OPHN1: variants seen among roughly 807,000 people sequenced by gnomAD.
OPHN1 encodes oligophrenin 1.
A neutral mutation model predicts 60.7 loss-of-function variants in OPHN1; 11 were observed. That is an observed-to-expected ratio of 0.18 (90% CI 0.11 to 0.30). The LOEUF (loss-of-function observed/expected upper bound fraction) is 0.30, where lower values mean the gene tolerates loss of function less well. Among genes scored for constraint, OPHN1 ranks in the 10% least tolerant of loss-of-function variants. OPHN1 has a pLI of 1.00. For synonymous variants in OPHN1, 226 were observed against 222.6 expected (o/e 1.02, Z -0.14); for missense variants, 449 against 611.0 (o/e 0.73, Z 2.80).
chrX:68,125,956 T>TATATATATATATATAC (rs2077169399), intron 15 of OPHN1, among the ~76,000 whole-genome samples: 1 of 76,357 alleles, frequency 1.3e-5, no homozygotes, highest in Admixed American at 1.5e-4. Flanking sequence ...TATATATATA[T>TATATATATATATATAC]ACATACACAC....
chrX:68,100,509 T>C (rs1272713888), intron 18 of OPHN1, among the ~76,000 whole-genome samples: 3 of 110,873 alleles, frequency 2.7e-5, no homozygotes, highest in Non-Finnish European at 5.7e-5. Flanking sequence ...GGGAAATGGG[T>C]GGGGAAATAG....
rs190900341 is a variant in OPHN1, at chrX:68,312,285, G to A, written c.155-13189C>T. Reference sequence around the variant, plus strand: ...TTTTTTTTTTTTTTTTTGTAGAGACGGGTTCCCACTATGTTGCCCAGACTG... The same window carrying A: ...TTTTTTTTTTTTTTTTTGTAGAGACAGGTTCCCACTATGTTGCCCAGACTG... On this transcript the variant is annotated intron_variant, in intron 2 of 24. Transcript: ENST00000355520. Among the ~76,000 whole-genome samples the A allele has an allele frequency of 4.7e-4, 43 of 91,643 alleles. No individual in the cohort carries two copies. The East Asian group carries it at 0.014, about 29-fold the overall frequency. 79.6% of individuals were successfully genotyped at this position (91,643 alleles called of 115,157 possible). A position where few individuals can be genotyped will look rare whatever the true frequency, so the allele number is the denominator to read the frequency against.
chrX:68,112,061 GCACACACA>G (rs56107322), intron 17 of OPHN1, 102 bp from the exon 18 acceptor site: 95 of 388,993 alleles, frequency 2.4e-4, no homozygotes, highest in African/African-American at 1.4e-3. Flanking sequence ...ATGCACACAT[GCACACACA>G]CACACACACA....
At chrX:68,409,124 G>A (rs1463396814) in intron 2 of OPHN1, among the ~76,000 whole-genome samples, 2 of 112,190 alleles carry the variant, frequency 1.8e-5, no homozygotes, top group African/African-American at 6.5e-5. Flanking sequence ...TCATTTCCAT[G>A]ATCTCACTTG....
At chrX:68,377,376 G>T (rs1302559186) in intron 2 of OPHN1, among the ~76,000 whole-genome samples, 1 of 109,384 alleles carries the variant, frequency 9.1e-6, no homozygotes, top group Non-Finnish European at 1.9e-5. Context: ...GATTACAGGT[G>T]TGAGCCACTG....
chrX:68,355,701 A>G (rs906438968), intron 2 of OPHN1, among the ~76,000 whole-genome samples: 1 of 111,901 alleles, frequency 8.9e-6, no homozygotes, highest in African/African-American at 3.2e-5. Context: ...TCCAAGAAAG[A>G]CAATCCTCAA....
intron 2 of OPHN1, among the ~76,000 whole-genome samples, chrX:68,377,716 T>C (rs1323359106): frequency 9.1e-6 from 1 of 110,181 alleles, no homozygotes; most frequent in African/African-American, 3.3e-5. Context: ...TTACTGAGAA[T>C]GATGATTTCC....
chrX:68,252,704 AAAC>A (rs1047162206), intron 5 of OPHN1, among the ~76,000 whole-genome samples: 2 of 111,981 alleles, frequency 1.8e-5, no homozygotes, highest in African/African-American at 3.2e-5. Flanking sequence ...AATGCTTTGA[AAAC>A]AATATAACAA....
At chrX:68,256,170 G>C (rs2077862414) in intron 5 of OPHN1, among the ~76,000 whole-genome samples, 1 of 111,248 alleles carries the variant, frequency 9.0e-6, no homozygotes, top group Non-Finnish European at 1.9e-5. Context: ...AGGAGCAAGG[G>C]GAAGGCTGGT....
chrX:68,049,383 T>C (rs2076843389), intron 23 of OPHN1, among the ~76,000 whole-genome samples: 1 of 112,029 alleles, frequency 8.9e-6, no homozygotes, highest in Admixed American at 9.4e-5. Context: ...TTAATTATTG[T>C]ACCATCTACT....
Position 68,400,849 on chromosome X carries a change from G to A in OPHN1, c.154+32018C>T, listed in dbSNP as rs755313490. Among the ~76,000 whole-genome samples the A allele has an allele frequency of 2.2e-4, 24 of 110,874 alleles. No homozygotes were observed. In the South Asian group the frequency reaches 2.7e-3, roughly 13 times the overall value. ...ACTCCCAACCTCAGATGATTCACCC[G>A]CCTCTGCCTCCTAAAGTGCTGGTAT... On this transcript the variant is annotated intron_variant, in intron 2 of 24. Coordinates refer to ENST00000355520, the MANE Select transcript of OPHN1 (RefSeq NM_002547.3).
At chrX:68,391,022 T>C (rs1382514679) in intron 2 of OPHN1, among the ~76,000 whole-genome samples, 1 of 111,669 alleles carries the variant, frequency 9.0e-6, no homozygotes, top group Non-Finnish European at 1.9e-5. Flanking sequence ...TCCTGTATCC[T>C]AGACAGCTAC....
intron 2 of OPHN1, among the ~76,000 whole-genome samples, chrX:68,339,898 G>T (rs1338208878): frequency 1.8e-5 from 2 of 111,907 alleles, no homozygotes; most frequent in Non-Finnish European, 3.8e-5. Flanking sequence ...CCACTGCACC[G>T]GGCCACAAAT....
intron 3 of OPHN1, among the ~76,000 whole-genome samples, chrX:68,284,576 T>C (rs1000413764): frequency 1.8e-5 from 2 of 111,656 alleles, no homozygotes; most frequent in South Asian, 3.8e-4. Context: ...AAATGCACCA[T>C]TTTAAAGTGT....
At chrX:68,317,577 GAAAGAAAGAA>G (rs1410393619) in intron 2 of OPHN1, among the ~76,000 whole-genome samples, 11 of 75,620 alleles carry the variant, frequency 1.5e-4, no homozygotes, top group African/African-American at 6.0e-4. Flanking sequence ...GAAAGAAAGA[GAAAGAAAGAA>G]AGAGAGAGAA....
chrX:68,193,691 T>G (rs2077498568), intron 14 of OPHN1, among the ~76,000 whole-genome samples, 199 bp downstream of exon 14: 1 of 112,231 alleles, frequency 8.9e-6, no homozygotes, highest in Non-Finnish European at 1.9e-5. Context: ...TTATAAGCTC[T>G]TTAAAAGCAG....
At chrX:68,113,418 G>A (rs2077113312) in intron 16 of OPHN1, among the ~76,000 whole-genome samples, 179 bp from the exon 17 acceptor site, 1 of 111,591 alleles carries the variant, frequency 9.0e-6, no homozygotes, top group Non-Finnish European at 1.9e-5. Context: ...TTCAACAAAA[G>A]ACCTGCAAAA....
intron 2 of OPHN1, among the ~76,000 whole-genome samples, chrX:68,356,533 C>T (rs753725553): frequency 9.0e-6 from 1 of 110,641 alleles, no homozygotes; most frequent in African/African-American, 3.3e-5. Flanking sequence ...CTGCCTTGGC[C>T]TCCCGAGGAG....
At position 68,074,162 on chromosome X, in the gene OPHN1, C is replaced by A. The variant is rs774747724; in HGVS notation, c.1687-863G>T. On this transcript the variant is annotated intron_variant, in intron 19 of 24. Coordinates refer to ENST00000355520, the MANE Select transcript of OPHN1 (RefSeq NM_002547.3). ...AGCCAGTGAGACTAACAAAATCAAC[C>A]CCAGTGATTAGTGTAAAGAGAAATG... Among the ~76,000 whole-genome samples the A allele has an allele frequency of 4.5e-5, 5 of 111,485 alleles. No homozygotes were observed. In the South Asian group the frequency reaches 1.9e-3, roughly 42 times the overall value.
Sources: gnomAD v4.1 joint callset for allele counts (sites outside exome capture counted in the v4.1 genomes callset) on GRCh38, gnomAD v4.1.1 for gene constraint, MANE v1.5 for transcripts, NCBI Gene and HGNC (gene_info 2026-07-23, HGNC 2026-07-21) for gene names.